The following CYSLTR1 variants were observed in gnomAD, a reference collection of about 807,000 sequenced individuals.
CYSLTR1 encodes the protein cysteinyl leukotriene receptor 1, also known as G-protein coupled receptor HG55.
Under a neutral mutation model 2.1 loss-of-function variants are expected in CYSLTR1, and 1 was observed. The ratio of observed to expected loss-of-function variants is 0.48; its 90% CI spans 0.17 to 2.28. The LOEUF is 2.28. CYSLTR1 is among the 30% of genes most tolerant of loss of function. CYSLTR1 has a pLI of 0.26. For synonymous variants in CYSLTR1, 110 were observed against 89.6 expected, an observed-to-expected ratio of 1.23 and a Z score of -1.28; for missense variants, 299 against 250.1, an observed-to-expected ratio of 1.20 and a Z score of -1.32.
chrX:78,301,148 G>A (rs948978607), intron 1 of CYSLTR1, among the ~76,000 whole-genome samples: 25 of 111,852 alleles, frequency 2.2e-4, no homozygotes, highest in African/African-American at 6.2e-4. Flanking sequence ...TTCCTCCTAT[G>A]CCTCTGGGCC....
chrX:78,277,731 C>T lies in CYSLTR1; in HGVS notation c.-27-3958G>A, dbSNP rs1397268526. Among the ~76,000 whole-genome samples the T allele has an allele frequency of 3.6e-5, 4 of 111,546 alleles. No homozygotes were observed. The Admixed American group carries it at 3.8e-4, about 11-fold the overall frequency. ...AAACTTAAGTTATACCACAGTCAAACCCTCAAGGGCATCAAATAATATAAA... is the reference window on the plus strand; with the variant it reads ...AAACTTAAGTTATACCACAGTCAAATCCTCAAGGGCATCAAATAATATAAA... On this transcript the variant is annotated intron_variant, in intron 2 of 2. Coordinates refer to ENST00000373304, the MANE Select transcript of CYSLTR1 (RefSeq NM_006639.4).
chrX:78,274,763 A>G (rs907962047), intron 2 of CYSLTR1, among the ~76,000 whole-genome samples: 14 of 111,016 alleles, frequency 1.3e-4, no homozygotes, highest in African/African-American at 3.9e-4. Flanking sequence ...CTGCACAGCA[A>G]AAGAAACTAC....
At chrX:78,279,379 C>T (rs761966108) in intron 2 of CYSLTR1, among the ~76,000 whole-genome samples, 10 of 111,649 alleles carry the variant, frequency 9.0e-5, no homozygotes, top group Non-Finnish European at 9.4e-5. Context: ...CAGAGAAATG[C>T]AAGTCAAAAC....
intron 2 of CYSLTR1, among the ~76,000 whole-genome samples, chrX:78,277,231 G>A (rs948485604): frequency 1.8e-5 from 2 of 111,088 alleles, no homozygotes; most frequent in East Asian, 5.6e-4. Flanking sequence ...ATAGGGTAGG[G>A]GTAGTATGAT....
At chrX:78,326,672 C>T (rs1923871251) in intron 1 of CYSLTR1, among the ~76,000 whole-genome samples, 1 of 112,205 alleles carries the variant, frequency 8.9e-6, no homozygotes, top group African/African-American at 3.2e-5. Context: ...ATGCAATTTT[C>T]TTCTATTCAT....
intron 1 of CYSLTR1, among the ~76,000 whole-genome samples, chrX:78,293,896 G>A (rs1282409808): frequency 9.0e-6 from 1 of 111,220 alleles, no homozygotes; most frequent in Non-Finnish European, 1.9e-5. Context: ...TTTTTTCAAG[G>A]TTTTTAGCTT....
chrX:78,311,615 C>T (rs1213221612), intron 1 of CYSLTR1, among the ~76,000 whole-genome samples: 1 of 111,940 alleles, frequency 8.9e-6, no homozygotes, highest in Admixed American at 9.5e-5. Flanking sequence ...ACTCCCAGAA[C>T]TAACAAAAAA....
chrX:78,273,002 A>G lies in CYSLTR1; in HGVS notation c.745T>C (p.Tyr249His), dbSNP rs201344297. Reference sequence around the variant, plus strand: ...AGGTGAATGGTACGTTGAATATGATATGGCATGAAACTGACTAAAAAGGCA... The same window carrying G: ...AGGTGAATGGTACGTTGAATATGATGTGGCATGAAACTGACTAAAAAGGCA... Reference protein sequence around the residue: ...TAAFLVSFMPYHIQRTIHLHF... With the variant: ...TAAFLVSFMPHHIQRTIHLHF... The change falls in exon 3 of 3, where the codon TAT becomes CAT. Residue 249 changes from tyrosine (Y) to histidine (H), a missense_variant. By Grantham distance (83) the Tyr-to-His change is moderately conservative. Coordinates refer to ENST00000373304, the MANE Select transcript of CYSLTR1 (RefSeq NM_006639.4). 2.5e-6 allele frequency: 3 copies of G among 1,209,881 alleles called. No homozygotes were observed. Among genetic ancestry groups the G allele is most frequent in the Admixed American group, 4.4e-5 (2 of 45,653 alleles).
Position 78,295,389 on chromosome X carries a change from C to T in CYSLTR1, c.-114-11849G>A, listed in dbSNP as rs1354288809. On this transcript the variant is annotated intron_variant, in intron 1 of 2. Coordinates refer to ENST00000373304, the MANE Select transcript of CYSLTR1 (RefSeq NM_006639.4). ...GATTTCCTTTTTTTTTTTTTTTTTG[C>T]GGGGGTGGGGTATATATCCAGCAGT... is the stretch of plus-strand genomic sequence containing the variant. Among the ~76,000 whole-genome samples, 107 of 68,732 alleles carry T rather than the reference C, an allele frequency of 1.6e-3. 2 individuals are homozygous for T. In the East Asian group the frequency reaches 0.029, roughly 19 times the overall value. 59.7% of individuals were successfully genotyped at this position (68,732 alleles called of 115,157 possible).
At chrX:78,277,583 T>A (rs1294433549) in intron 2 of CYSLTR1, among the ~76,000 whole-genome samples, 1 of 111,321 alleles carries the variant, frequency 9.0e-6, no homozygotes, top group African/African-American at 3.3e-5. Context: ...GTCCTTAATC[T>A]TGAGGGACCA....
Position 78,273,057 on chromosome X carries a change from C to T in CYSLTR1, c.690G>A (p.Lys230=), listed in dbSNP as rs138981290. Reference sequence around the variant, plus strand: ...TCACGACCATGATCATTCCTATAGCCTTTTTATGACTTGACAGATTTTTTT... The same window carrying T: ...TCACGACCATGATCATTCCTATAGCTTTTTTATGACTTGACAGATTTTTTT... ...SMKKNLSSHK[K]AIGMIMVVTA... is the part of the protein sequence containing the mutation. Residue 230 remains lysine (K), a synonymous_variant, in exon 3 of 3, where the codon AAG becomes AAA. Transcript: ENST00000373304. 340 of 1,208,882 alleles carry T rather than the reference C, an allele frequency of 2.8e-4. 1 individual carries two copies. Among genetic ancestry groups the T allele is most frequent in the Admixed American group, 2.1e-3 (97 of 45,543 alleles).
chrX:78,298,872 C>A, intron 1 of CYSLTR1, among the ~76,000 whole-genome samples: 1 of 111,162 alleles, frequency 9.0e-6, no homozygotes, highest in East Asian at 2.8e-4. Context: ...CATATACATT[C>A]AATGTCATTA....
intron 1 of CYSLTR1, among the ~76,000 whole-genome samples, chrX:78,291,941 T>C (rs1368508686): frequency 9.0e-6 from 1 of 110,711 alleles, no homozygotes; most frequent in East Asian, 2.8e-4. Context: ...TTGATTTTTT[T>C]GAAGAGTTTT....
intron 1 of CYSLTR1, among the ~76,000 whole-genome samples, chrX:78,309,826 C>A (rs1923157108): frequency 9.0e-6 from 1 of 111,588 alleles, no homozygotes; most frequent in African/African-American, 3.3e-5. Context: ...AAGTAACAGA[C>A]AGAATTAGTG....
intron 1 of CYSLTR1, among the ~76,000 whole-genome samples, chrX:78,317,381 GA>G (rs2147274724): frequency 8.9e-6 from 1 of 112,536 alleles, no homozygotes; most frequent in African/African-American, 3.2e-5. Context: ...ACTGCTGGTG[GA>G]AATGTAAACT....
chrX:78,272,643 AG>A lies in CYSLTR1; in HGVS notation c.*89del. 3.3e-6 allele frequency: 3 copies of A among 911,975 alleles called. No homozygotes were observed. The highest frequency in any genetic ancestry group is 4.4e-6 in the Non-Finnish European group (3 of 686,849). The allele number at this position is 911,975 out of a possible 1,213,427, so 75.2% of individuals were successfully genotyped here. On this transcript the variant is annotated 3_prime_UTR_variant, in exon 3 of 3. Transcript: ENST00000373304. ...ATAGTTAAGTATTTGTAAAATATTA[AG>A]TAAAATTTTTATTTTTTTTGTAAAT...
chrX:78,319,532 G>A (rs1179409722), intron 1 of CYSLTR1: 16 of 110,050 alleles, frequency 1.5e-4, no homozygotes, highest in African/African-American at 3.6e-4. Flanking sequence ...CATTTGGGTT[G>A]GTTCCAAGTC....
intron 1 of CYSLTR1, among the ~76,000 whole-genome samples, chrX:78,291,791 G>T (rs1569552291): frequency 9.0e-6 from 1 of 111,008 alleles, no homozygotes; most frequent in Non-Finnish European, 1.9e-5. Context: ...TTGTATTGCT[G>T]TGGGGTCAGT....
At chrX:78,306,312 C>T (rs761647422) in intron 1 of CYSLTR1, among the ~76,000 whole-genome samples, 7 of 110,300 alleles carry the variant, frequency 6.3e-5, no homozygotes, top group East Asian at 2.9e-4. Context: ...TACAGGTGCC[C>T]GCCACCATGC....
Sources: gnomAD v4.1 joint callset for allele counts (sites outside exome capture counted in the v4.1 genomes callset) on GRCh38, gnomAD v4.1.1 for gene constraint, MANE v1.5 for transcripts, NCBI Gene and HGNC (gene_info 2026-07-23, HGNC 2026-07-21) for gene names.